Variants in SHLD1 observed in about 807,000 individuals in gnomAD.
SHLD1 encodes RINN1-REV7-interacting novel NHEJ regulator 3.
In SHLD1, 3 loss-of-function variants were observed where a neutral mutation model predicts 5.5. That is an observed-to-expected ratio of 0.54 (90% CI 0.25 to 1.40). The LOEUF (loss-of-function observed/expected upper bound fraction) is 1.40. SHLD1 is among the 40% of genes most tolerant of loss of function. The pLI, the probability that SHLD1 is intolerant of heterozygous loss-of-function variation, is 0.15. For synonymous variants in SHLD1, 92 were observed against 94.3 expected, an observed-to-expected ratio of 0.98 and a Z score of 0.14; for missense variants, 210 against 244.4, an observed-to-expected ratio of 0.86 and a Z score of 0.94.
At chr20:5,768,904 GT>G (rs11475696) in intron 1 of SHLD1, among the ~76,000 whole-genome samples, 52,304 of 116,476 alleles carry the variant, frequency 0.45, 8,231 homozygotes, top group African/African-American at 0.51. Context: ...TCATGTAATT[GT>G]TTTTTTTTTT....
intron 2 of SHLD1, among the ~76,000 whole-genome samples, chr20:5,826,289 C>T (rs1282107175): frequency 1.3e-5 from 2 of 151,992 alleles, no homozygotes; most frequent in Non-Finnish European, 2.9e-5. Context: ...CCTCCTTTTC[C>T]CATATTGAAA....
At chr20:5,791,362 A>C (rs2087136894) in intron 2 of SHLD1, among the ~76,000 whole-genome samples, 1 of 152,052 alleles carries the variant, frequency 6.6e-6, no homozygotes. Context: ...CCAGGAGTTC[A>C]AGACCAGTCT....
intron 1 of SHLD1, among the ~76,000 whole-genome samples, chr20:5,751,887 A>T (rs936437220): frequency 4.6e-5 from 7 of 152,208 alleles, no homozygotes; most frequent in African/African-American, 1.7e-4. Context: ...AGACCCAAAA[A>T]GGTGGATATG....
At chr20:5,851,730 A>G (rs544877179) in intron 2 of SHLD1, among the ~76,000 whole-genome samples, 2 of 152,146 alleles carry the variant, frequency 1.3e-5, no homozygotes, top group South Asian at 2.1e-4. Flanking sequence ...ACTGAGATAT[A>G]TATTTGATAT....
intron 2 of SHLD1, among the ~76,000 whole-genome samples, chr20:5,843,124 G>C (rs973923070): frequency 6.6e-6 from 1 of 152,008 alleles, no homozygotes; most frequent in African/African-American, 2.4e-5. Flanking sequence ...GTGTTTGGTT[G>C]AAAGTACATC....
intron 2 of SHLD1, among the ~76,000 whole-genome samples, chr20:5,831,142 C>A (rs2087724742): frequency 6.6e-6 from 1 of 152,114 alleles, no homozygotes; most frequent in Non-Finnish European, 1.5e-5. Context: ...GCAGTGCAGA[C>A]CATTGAAAAT....
chr20:5,760,844 C>T (rs1299788724), intron 1 of SHLD1, among the ~76,000 whole-genome samples: 1 of 152,000 alleles, frequency 6.6e-6, no homozygotes, highest in African/African-American at 2.4e-5. Flanking sequence ...TTTTAGTATT[C>T]ATTTAGTGAG....
intron 2 of SHLD1, among the ~76,000 whole-genome samples, chr20:5,830,648 A>G (rs1424388116): frequency 6.6e-6 from 1 of 150,958 alleles, no homozygotes; most frequent in Non-Finnish European, 1.5e-5. Context: ...AGATTGCGCC[A>G]TTGCACTCCA....
intron 2 of SHLD1, among the ~76,000 whole-genome samples, chr20:5,835,626 AG>A (rs1187652890): frequency 2.0e-5 from 3 of 152,128 alleles, no homozygotes; most frequent in African/African-American, 7.2e-5. Context: ...TGTGAGTGCC[AG>A]GGCTTTCAGC....
rs571552030 is a variant in SHLD1, at chr20:5,784,653, T to G, written c.178+11610T>G. 1.9e-4 allele frequency among the ~76,000 whole-genome samples: 29 copies of G among 152,036 alleles called. 1 individual carries two copies. Among genetic ancestry groups the G allele is most frequent in the African/African-American group, 6.0e-4 (25 of 41,474 alleles). ...TTTTAGTAGAGACGGGGTTTCACCG[T>G]GTTAGCCAGGTTGGTCTCGATCGCC... On this transcript the variant is annotated intron_variant, in intron 2 of 2. Transcript: ENST00000303142.
chr20:5,861,422 A>T (rs1226466337), intron 2 of SHLD1, among the ~76,000 whole-genome samples: 1 of 152,234 alleles, frequency 6.6e-6, no homozygotes, highest in Non-Finnish European at 1.5e-5. Flanking sequence ...GATCTTCAGC[A>T]TCCATCTGTC....
intron 2 of SHLD1, among the ~76,000 whole-genome samples, chr20:5,774,885 A>G (rs1985356254): frequency 1.3e-5 from 2 of 152,132 alleles, no homozygotes; most frequent in African/African-American, 4.8e-5. Flanking sequence ...TAGACTTAAC[A>G]TCTTAGTTCC....
intron 2 of SHLD1, among the ~76,000 whole-genome samples, chr20:5,831,621 A>T (rs527971778): frequency 6.6e-6 from 1 of 152,258 alleles, no homozygotes; most frequent in Non-Finnish European, 1.5e-5. Flanking sequence ...AAACAGGAAG[A>T]TGAACAGAAG....
intron 2 of SHLD1, among the ~76,000 whole-genome samples, chr20:5,788,203 T>A (rs6053694): frequency 0.3 from 44,996 of 152,068 alleles, 6,645 homozygotes; most frequent in Middle Eastern, 0.35. Flanking sequence ...TTTTTCCTTC[T>A]TAAAAATAAT....
intron 2 of SHLD1, among the ~76,000 whole-genome samples, chr20:5,844,629 A>C (rs546994252): frequency 6.6e-6 from 1 of 152,056 alleles, no homozygotes; most frequent in Admixed American, 6.5e-5. Flanking sequence ...AATGTTCACT[A>C]TGATTCATCC....
intron 1 of SHLD1, 90 bp from the exon 2 acceptor site, chr20:5,772,772 A>G (rs1985235327): frequency 8.1e-7 from 1 of 1,237,006 alleles, no homozygotes; most frequent in African/African-American, 1.5e-5. Context: ...AAAATAAAAA[A>G]CAAATAAAAT....
intron 1 of SHLD1, among the ~76,000 whole-genome samples, chr20:5,752,617 T>TG (rs34054431): frequency 0.22 from 31,991 of 145,284 alleles, 3,932 homozygotes; most frequent in South Asian, 0.34. Flanking sequence ...ATTTTGGGGT[T>TG]TTTTTTTTTT....
chr20:5,856,527 T>C (rs975387267), intron 2 of SHLD1, among the ~76,000 whole-genome samples: 4 of 152,212 alleles, frequency 2.6e-5, no homozygotes, highest in African/African-American at 9.6e-5. Context: ...AGATGCAGAC[T>C]AGCCCAGATC....
rs116125915 is a variant in SHLD1 at position 5,840,049 on chromosome 20, G to C, written c.179-22975G>C. ...CTAGAGGTAATAGCAGGATAATTGAGTACAGTAAATTAGAAGTTGCTATTT... is the reference window on the plus strand; with the variant it reads ...CTAGAGGTAATAGCAGGATAATTGACTACAGTAAATTAGAAGTTGCTATTT... On this transcript the variant is annotated intron_variant, in intron 2 of 2. Coordinates refer to ENST00000303142, the MANE Select transcript of SHLD1 (RefSeq NM_152504.4). Among the ~76,000 whole-genome samples the C allele has an allele frequency of 3.3e-3, 497 of 152,326 alleles. 3 individuals are homozygous for C. The highest frequency in any genetic ancestry group is 0.011 in the African/African-American group (463 of 41,574).
Sources: allele counts gnomAD v4.1 joint callset (sites outside exome capture counted in the v4.1 genomes callset), GRCh38; gene constraint gnomAD v4.1.1; transcripts MANE v1.5; gene names NCBI Gene and HGNC (gene_info 2026-07-23, HGNC 2026-07-21).